BNC2: variants seen among roughly 807,000 people sequenced by gnomAD.
The protein encoded by BNC2 is basonuclin zinc finger protein 2, also known as zinc finger protein basonuclin-2.
A neutral mutation model predicts 76.3 loss-of-function variants in BNC2; 20 were observed. The observed-to-expected ratio is 0.26, with a 90% CI of 0.18 to 0.38. The LOEUF is 0.38. Among genes scored for constraint, BNC2 ranks in the 10% least tolerant of loss-of-function variants. BNC2 has a pLI of 1.00. For missense variants in BNC2, 1,382 were observed against 1,399.8 expected, an observed-to-expected ratio of 0.99 and a Z score of 0.20; for synonymous variants, 582 against 514.8, an observed-to-expected ratio of 1.13 and a Z score of -1.77.
At chr9:16,680,033 G>A (rs1822776472) in intron 3 of BNC2, among the ~76,000 whole-genome samples, 1 of 152,110 alleles carries the variant, frequency 6.6e-6, no homozygotes, top group Non-Finnish European at 1.5e-5. Flanking sequence ...CCTCCATCAT[G>A]ATCTTCATCT....
chr9:16,644,800 T>C (rs1277264745), intron 3 of BNC2, among the ~76,000 whole-genome samples: 4 of 152,174 alleles, frequency 2.6e-5, no homozygotes, highest in African/African-American at 7.2e-5. Flanking sequence ...CAATGGAGAG[T>C]AGCTGCTGCC....
At chr9:16,730,557 A>G (rs1824475836) in intron 2 of BNC2, among the ~76,000 whole-genome samples, 1 of 152,164 alleles carries the variant, frequency 6.6e-6, no homozygotes, top group South Asian at 2.1e-4. Context: ...CTCTCCTAGA[A>G]AATCAATACA....
chr9:16,751,630 G>GTATATATATGTGTGTATATA (rs1563926879), intron 1 of BNC2, among the ~76,000 whole-genome samples: 1 of 51,670 alleles, frequency 1.9e-5, no homozygotes, highest in African/African-American at 6.7e-5. Context: ...ATATATATAT[G>GTATATATATGTGTGTATATA]TATGTATATA....
intron 3 of BNC2, among the ~76,000 whole-genome samples, chr9:16,648,335 G>C (rs1821694862): frequency 6.6e-6 from 1 of 152,216 alleles, no homozygotes. Flanking sequence ...ATTTAAGACA[G>C]TAGAACATCA....
chr9:16,760,022 C>G (rs1317328905), intron 1 of BNC2, among the ~76,000 whole-genome samples: 2 of 152,088 alleles, frequency 1.3e-5, no homozygotes, highest in Non-Finnish European at 2.9e-5. Context: ...CGCGCGGGGC[C>G]AGAGACAGAA....
chr9:16,529,115 C>T (rs1817900772), intron 5 of BNC2, among the ~76,000 whole-genome samples: 1 of 152,182 alleles, frequency 6.6e-6, no homozygotes, highest in African/African-American at 2.4e-5. Context: ...TACACGGATA[C>T]ACAGGATGGT....
At chr9:16,476,605 C>T (rs1371904341) in intron 5 of BNC2, among the ~76,000 whole-genome samples, 2 of 151,724 alleles carry the variant, frequency 1.3e-5, no homozygotes, top group Non-Finnish European at 2.9e-5. Context: ...TGACACTGTC[C>T]CCTCCCCCTA....
At chr9:16,561,441 T>C (rs1819012393) in intron 4 of BNC2, among the ~76,000 whole-genome samples, 1 of 152,154 alleles carries the variant, frequency 6.6e-6, no homozygotes, top group Non-Finnish European at 1.5e-5. Flanking sequence ...AGAGTATGCC[T>C]AAGCTCAGGG....
chr9:16,703,594 C>T (rs1823577958), intron 3 of BNC2, among the ~76,000 whole-genome samples: 1 of 152,104 alleles, frequency 6.6e-6, no homozygotes, highest in Admixed American at 6.5e-5. Flanking sequence ...TGGTGTAAGA[C>T]TTCCTATAAA....
chr9:16,463,126 C>T (rs1423832380), intron 5 of BNC2, among the ~76,000 whole-genome samples: 4 of 152,000 alleles, frequency 2.6e-5, no homozygotes, highest in Non-Finnish European at 5.9e-5. Flanking sequence ...AGTGTACTGA[C>T]TGTGTGTGTA....
At chr9:16,581,988 A>G (rs1819641182) in intron 4 of BNC2, among the ~76,000 whole-genome samples, 1 of 152,134 alleles carries the variant, frequency 6.6e-6, no homozygotes, top group African/African-American at 2.4e-5. Flanking sequence ...AGCAAGGTAC[A>G]TGATAAATTA....
intron 3 of BNC2, among the ~76,000 whole-genome samples, chr9:16,674,452 T>G (rs553687638): frequency 1.3e-5 from 2 of 152,206 alleles, no homozygotes; most frequent in African/African-American, 4.8e-5. Context: ...TCTAAAGGAG[T>G]ATCCTGGTGT....
chr9:16,736,906 A>G (rs1433543534), intron 2 of BNC2, among the ~76,000 whole-genome samples: 1 of 151,900 alleles, frequency 6.6e-6, no homozygotes, highest in African/African-American at 2.4e-5. Flanking sequence ...TCCCAGATTC[A>G]AGCAATTCTA....
intron 3 of BNC2, among the ~76,000 whole-genome samples, chr9:16,632,438 A>T (rs1821190730): frequency 6.6e-6 from 1 of 152,156 alleles, no homozygotes; most frequent in Admixed American, 6.5e-5. Flanking sequence ...GAAAAAAAAA[A>T]AATCTGTGTA....
intron 5 of BNC2, among the ~76,000 whole-genome samples, chr9:16,517,377 T>C (rs577168952): frequency 2.6e-5 from 4 of 152,340 alleles, no homozygotes; most frequent in African/African-American, 9.6e-5. Context: ...AATACTGGCA[T>C]TCACTGCAAT....
intron 5 of BNC2, among the ~76,000 whole-genome samples, chr9:16,470,649 GC>G (rs966692888): frequency 6.6e-5 from 10 of 152,224 alleles, no homozygotes; most frequent in Non-Finnish European, 7.3e-5. Flanking sequence ...TACAGCTTGG[GC>G]TGTGGCTTCA....
At chr9:16,590,087 G>A (rs904932891) in intron 3 of BNC2, among the ~76,000 whole-genome samples, 10 of 151,644 alleles carry the variant, frequency 6.6e-5, no homozygotes, top group African/African-American at 2.2e-4. Context: ...GGCAAAACCC[G>A]GTCTCTACAA....
chr9:16,624,466 T>C (rs1265739301), intron 3 of BNC2, among the ~76,000 whole-genome samples: 2 of 152,206 alleles, frequency 1.3e-5, no homozygotes. Flanking sequence ...ATCATTAATA[T>C]TATACTCACA....
intron 1 of BNC2, among the ~76,000 whole-genome samples, chr9:16,836,756 A>C (rs1818716898): frequency 6.6e-6 from 1 of 152,160 alleles, no homozygotes; most frequent in African/African-American, 2.4e-5. Flanking sequence ...TTATCTAATA[A>C]TACTTTTTTT....
Sources: gnomAD v4.1 joint callset for allele counts (sites outside exome capture counted in the v4.1 genomes callset) on GRCh38, gnomAD v4.1.1 for gene constraint, MANE v1.5 for transcripts, NCBI Gene and HGNC (gene_info 2026-07-23, HGNC 2026-07-21) for gene names.